KCND2: variants seen among roughly 807,000 people sequenced by gnomAD.
KCND2 encodes A-type voltage-gated potassium channel KCND2.
A neutral mutation model predicts 54.4 loss-of-function variants in KCND2; 16 were observed. That is an observed-to-expected ratio of 0.29 (90% CI 0.20 to 0.45). KCND2 has a LOEUF of 0.45. Among genes scored for constraint, KCND2 ranks in the 20% least tolerant of loss-of-function variants. The pLI is 1.00. For synonymous variants in KCND2, 317 were observed against 310.7 expected (o/e 1.02, Z -0.21); for missense variants, 486 against 824.2 (o/e 0.59, Z 5.02).
chr7:120,677,286 G>A lies in KCND2; in HGVS notation c.1116-55617G>A, dbSNP rs561748553. 2.0e-5 allele frequency among the ~76,000 whole-genome samples: 3 copies of A among 152,226 alleles called. No homozygotes were observed. In the South Asian group the frequency reaches 6.2e-4, roughly 32 times the overall value. Reference sequence around the variant, plus strand: ...AAGTATTTGCATGACTTACATCGGGGTTCTTTCAGTAGCCAGTCACCTTGG... The same window carrying A: ...AAGTATTTGCATGACTTACATCGGGATTCTTTCAGTAGCCAGTCACCTTGG... On this transcript the variant is annotated intron_variant, in intron 1 of 5. Coordinates refer to ENST00000331113, the MANE Select transcript of KCND2 (RefSeq NM_012281.3).
chr7:120,433,445 C>G (rs532531174), intron 1 of KCND2, among the ~76,000 whole-genome samples: 1 of 152,332 alleles, frequency 6.6e-6, no homozygotes, highest in South Asian at 2.1e-4. Context: ...TGACTATGAT[C>G]TGGCCATTTT....
At chr7:120,630,829 A>C (rs1475073475) in intron 1 of KCND2, among the ~76,000 whole-genome samples, 1 of 152,178 alleles carries the variant, frequency 6.6e-6, no homozygotes, top group Non-Finnish European at 1.5e-5. Context: ...TAATGTGAAA[A>C]TTATTCTTGC....
intron 1 of KCND2, among the ~76,000 whole-genome samples, chr7:120,361,367 A>G (rs1223607462): frequency 6.6e-6 from 1 of 151,542 alleles, no homozygotes; most frequent in Non-Finnish European, 1.5e-5. Flanking sequence ...ATTCTTGGAA[A>G]TGGGACAAGT....
intron 3 of KCND2, among the ~76,000 whole-genome samples, chr7:120,741,869 A>G (rs957503097): frequency 2.0e-5 from 3 of 152,112 alleles, no homozygotes; most frequent in African/African-American, 4.8e-5. Context: ...TCATTGGGCA[A>G]TATTTCTACA....
intron 2 of KCND2, 28 bp downstream of exon 2, chr7:120,733,093 G>T: frequency 6.2e-7 from 1 of 1,611,286 alleles, no homozygotes; most frequent in Non-Finnish European, 8.5e-7. Flanking sequence ...TGCAACCATG[G>T]TTTAGCACTT....
At chr7:120,606,511 A>C (rs1311872525) in intron 1 of KCND2, among the ~76,000 whole-genome samples, 3 of 152,066 alleles carry the variant, frequency 2.0e-5, no homozygotes, top group African/African-American at 7.2e-5. Flanking sequence ...TGATTTTAAC[A>C]GTCACATTTA....
chr7:120,510,382 C>A (rs191127273), intron 1 of KCND2, among the ~76,000 whole-genome samples: 6 of 152,100 alleles, frequency 3.9e-5, no homozygotes, highest in African/African-American at 1.4e-4. Context: ...GGTTTTGAAC[C>A]CCTGTAGTCT....
Position 120,747,773 on chromosome 7 carries a change from C to T in KCND2, c.1808C>T (p.Pro603Leu). The change falls in exon 6 of 6, where the codon CCT becomes CTT. Residue 603 changes from proline to leucine, a missense_variant. Physicochemically the swap from Pro to Leu is moderately conservative, Grantham distance 98. Transcript: ENST00000331113. ...VTTAIISIPTPPVTTPEGDDR... is the reference protein window; with the variant it reads ...VTTAIISIPTLPVTTPEGDDR... ...ACAGCAATAATAAGCATCCCAACACCTCCAGTAACCACACCAGAAGGAGAC... is the reference window on the plus strand; with the variant it reads ...ACAGCAATAATAAGCATCCCAACACTTCCAGTAACCACACCAGAAGGAGAC... The T allele has an allele frequency of 6.2e-7, 1 of 1,612,242 alleles. No individual in the cohort carries two copies. Among genetic ancestry groups the T allele is most frequent in the South Asian group, 1.1e-5 (1 of 91,024 alleles).
intron 1 of KCND2, among the ~76,000 whole-genome samples, chr7:120,583,178 GCGTAGCTCTTTATCCAT>G (rs1792542012): frequency 6.6e-6 from 1 of 151,906 alleles, no homozygotes; most frequent in Non-Finnish European, 1.5e-5. Flanking sequence ...AAGGAATACA[GCGTAGCTCTTTATCCAT>G]TGTTTCAGAT....
Position 120,516,533 on chromosome 7 carries a change from A to G in KCND2, c.1116-216370A>G, listed in dbSNP as rs181291293. 2.1e-3 allele frequency among the ~76,000 whole-genome samples: 318 copies of G among 152,230 alleles called. 1 individual carries two copies. The highest frequency in any genetic ancestry group is 3.1e-3 in the Non-Finnish European group (209 of 67,990). On this transcript the variant is annotated intron_variant, in intron 1 of 5. Transcript: ENST00000331113. ...CGAATGAACTGAAGAAAGAGGCTTC[A>G]TAGGCTAGGACATGAAAAATCTGGG...
At chr7:120,371,245 G>GCCCCA (rs902617020) in intron 1 of KCND2, among the ~76,000 whole-genome samples, 11 of 151,986 alleles carry the variant, frequency 7.2e-5, no homozygotes, top group African/African-American at 2.7e-4. Flanking sequence ...CCACAGACAG[G>GCCCCA]CCCCACAGAG....
intron 1 of KCND2, among the ~76,000 whole-genome samples, chr7:120,531,530 C>A (rs1791843202): frequency 6.6e-6 from 1 of 152,064 alleles, no homozygotes; most frequent in Non-Finnish European, 1.5e-5. Flanking sequence ...CTCAAATATT[C>A]TTCTCCAGCT....
At chr7:120,368,412 A>G (rs750835499) in intron 1 of KCND2, among the ~76,000 whole-genome samples, 1 of 152,060 alleles carries the variant, frequency 6.6e-6, no homozygotes, top group Non-Finnish European at 1.5e-5. Context: ...AAAATAAAAA[A>G]TAAAAAACTA....
At chr7:120,348,457 G>A (rs1037313835) in intron 1 of KCND2, among the ~76,000 whole-genome samples, 3 of 152,096 alleles carry the variant, frequency 2.0e-5, no homozygotes, top group African/African-American at 7.2e-5. Flanking sequence ...GAACCAAGGT[G>A]GGCACATGTA....
intron 1 of KCND2, among the ~76,000 whole-genome samples, chr7:120,687,063 G>C (rs1792211276): frequency 6.6e-6 from 1 of 152,110 alleles, no homozygotes; most frequent in Admixed American, 6.6e-5. Context: ...CCCTGCTCAT[G>C]TCTGCTTGAC....
chr7:120,510,179 G>C (rs950973778), intron 1 of KCND2, among the ~76,000 whole-genome samples: 2 of 152,066 alleles, frequency 1.3e-5, no homozygotes, highest in East Asian at 1.9e-4. Context: ...GTTGATTATA[G>C]CATATTAAGT....
chr7:120,639,903 A>AT (rs376486696), intron 1 of KCND2, among the ~76,000 whole-genome samples: 162 of 149,018 alleles, frequency 1.1e-3, no homozygotes, highest in African/African-American at 3.6e-3. Flanking sequence ...TACATTTTCT[A>AT]TTTTTTTTTT....
chr7:120,604,582 T>C (rs1468722857), intron 1 of KCND2, among the ~76,000 whole-genome samples: 43 of 150,788 alleles, frequency 2.9e-4, no homozygotes, highest in Admixed American at 2.9e-3. Context: ...TAGTGTCTTT[T>C]CTTTAGAGAA....
intron 1 of KCND2, among the ~76,000 whole-genome samples, chr7:120,716,747 C>A (rs1247719643): frequency 6.6e-6 from 1 of 152,024 alleles, no homozygotes; most frequent in Non-Finnish European, 1.5e-5. Context: ...CCAATTAAAA[C>A]CTGTCTTCAA....
Sources: gnomAD v4.1 joint callset for allele counts (sites outside exome capture counted in the v4.1 genomes callset) on GRCh38, gnomAD v4.1.1 for gene constraint, MANE v1.5 for transcripts, NCBI Gene and HGNC (gene_info 2026-07-23, HGNC 2026-07-21) for gene names.